Variants in HPSE2 observed in about 807,000 individuals in gnomAD.
The protein encoded by HPSE2 is inactive heparanase-2.
In HPSE2, 38 loss-of-function variants were observed where a neutral mutation model predicts 60.5. That is an observed-to-expected ratio of 0.63 (90% CI 0.48 to 0.82). HPSE2 has a LOEUF of 0.82. Among genes scored for constraint, HPSE2 ranks in the 40% least tolerant of loss-of-function variants. The pLI is 0.00. For missense variants in HPSE2, 713 were observed against 740.4 expected (o/e 0.96, Z 0.43); for synonymous variants, 295 against 293.2 (o/e 1.01, Z -0.06).
At chr10:99,191,194 G>C (rs536369727) in intron 2 of HPSE2, among the ~76,000 whole-genome samples, 7 of 151,992 alleles carry the variant, frequency 4.6e-5, no homozygotes, top group Non-Finnish European at 8.8e-5. Flanking sequence ...CTGGGGCTGG[G>C]GGGTAGTTCG....
chr10:99,001,139 G>C (rs1956769339), intron 3 of HPSE2, among the ~76,000 whole-genome samples: 1 of 151,898 alleles, frequency 6.6e-6, no homozygotes. Context: ...TTACTAATTT[G>C]GTACATTAGA....
At chr10:99,232,639 G>T in intron 1 of HPSE2, 134 bp from the exon 2 acceptor site, 1 of 1,029,388 alleles carries the variant, frequency 9.7e-7, no homozygotes, top group Non-Finnish European at 1.5e-6. Flanking sequence ...TGCCCCAGCC[G>T]GCAGTCCACG....
chr10:99,266,106 A>G, the HPSE2 span, among the ~76,000 whole-genome samples: 1 of 152,206 alleles, frequency 6.6e-6, no homozygotes, highest in East Asian at 1.9e-4. Flanking sequence ...TAACAATTTC[A>G]ACCTAACACG....
At chr10:98,964,610 A>T (rs1198291592) in intron 3 of HPSE2, among the ~76,000 whole-genome samples, 4 of 152,068 alleles carry the variant, frequency 2.6e-5, no homozygotes, top group Non-Finnish European at 5.9e-5. Flanking sequence ...TCTAGATGTT[A>T]GTATTCATCA....
At chr10:98,530,149 C>A (rs1474539283) in intron 9 of HPSE2, among the ~76,000 whole-genome samples, 2 of 152,102 alleles carry the variant, frequency 1.3e-5, no homozygotes, top group Admixed American at 6.6e-5. Flanking sequence ...ATTTGTATTT[C>A]TAGACAGATG....
intron 3 of HPSE2, among the ~76,000 whole-genome samples, chr10:98,912,929 G>C (rs1333591809): frequency 1.3e-5 from 2 of 152,114 alleles, no homozygotes; most frequent in Admixed American, 6.6e-5. Context: ...TTAAAATTAA[G>C]TAAAATTAGA....
chr10:98,908,253 GT>G (rs1235189899), intron 3 of HPSE2, among the ~76,000 whole-genome samples: 1 of 152,114 alleles, frequency 6.6e-6, no homozygotes, highest in East Asian at 1.9e-4. Flanking sequence ...AACCACTCAA[GT>G]CACTCTCACA....
chr10:98,721,057 T>C (rs1432824757), intron 5 of HPSE2, among the ~76,000 whole-genome samples: 2 of 151,886 alleles, frequency 1.3e-5, no homozygotes, highest in Admixed American at 6.6e-5. Flanking sequence ...TTAAGAGAGA[T>C]AAATCTCTAT....
At chr10:98,919,141 T>G (rs2135055080) in intron 3 of HPSE2, among the ~76,000 whole-genome samples, 1 of 152,218 alleles carries the variant, frequency 6.6e-6, no homozygotes, top group Middle Eastern at 3.4e-3. Context: ...CAAGAAAAAC[T>G]TCAAACTAAA....
intron 3 of HPSE2, chr10:99,047,990 T>G (rs1957897052): frequency 4.2e-6 from 3 of 707,138 alleles, no homozygotes; most frequent in Non-Finnish European, 7.7e-6. Flanking sequence ...TCATCAAGTC[T>G]TCAATGAAAC....
chr10:98,581,017 T>C (rs2133921048), intron 9 of HPSE2, among the ~76,000 whole-genome samples: 1 of 151,660 alleles, frequency 6.6e-6, no homozygotes, highest in African/African-American at 2.4e-5. Context: ...CTCAGCTCAC[T>C]GCAACCTCTG....
At chr10:98,970,572 G>A (rs1193475540) in intron 3 of HPSE2, among the ~76,000 whole-genome samples, 1 of 152,192 alleles carries the variant, frequency 6.6e-6, no homozygotes, top group Non-Finnish European at 1.5e-5. Flanking sequence ...ACTGCTCAAA[G>A]TGGGCTAATA....
chr10:98,835,097 C>T (rs1326259735), intron 3 of HPSE2, among the ~76,000 whole-genome samples: 1 of 152,054 alleles, frequency 6.6e-6, no homozygotes, highest in Non-Finnish European at 1.5e-5. Context: ...AGGATTATTT[C>T]TCAAACTAAA....
intron 9 of HPSE2, among the ~76,000 whole-genome samples, chr10:98,509,115 A>G (rs995068921): frequency 4.6e-5 from 7 of 152,128 alleles, no homozygotes; most frequent in African/African-American, 1.7e-4. Context: ...AGAGATCAAG[A>G]CCATTCTGGC....
At chr10:99,142,670 G>A (rs960927605) in intron 3 of HPSE2, among the ~76,000 whole-genome samples, 27 of 152,144 alleles carry the variant, frequency 1.8e-4, no homozygotes, top group African/African-American at 6.3e-4. Context: ...TGACAATGTT[G>A]ATTCCAACAG....
intron 3 of HPSE2, among the ~76,000 whole-genome samples, chr10:99,123,600 T>C (rs890185271): frequency 4.6e-5 from 7 of 152,166 alleles, no homozygotes; most frequent in Non-Finnish European, 4.4e-5. Context: ...AGTCCCACCA[T>C]TGAGTTCTTG....
In HPSE2 at chr10:98,833,004, C is replaced by T. The variant is rs116414686; in HGVS notation, c.611-88948G>A. Among the ~76,000 whole-genome samples, 888 of 152,236 alleles carry T rather than the reference C, an allele frequency of 5.8e-3. 5 individuals are homozygous for T. Among genetic ancestry groups the T allele is most frequent in the African/African-American group, 0.02 (839 of 41,528 alleles). On this transcript the variant is annotated intron_variant, in intron 3 of 11. Coordinates refer to ENST00000370552, the MANE Select transcript of HPSE2 (RefSeq NM_021828.5). ...GCACTGAAATCTATGATGTGTGTTC[C>T]TAAGTGGGATGACAGCTGGCACCAC... is the stretch of plus-strand genomic sequence containing the variant.
chr10:98,775,861 C>A (rs1009786922), intron 3 of HPSE2, among the ~76,000 whole-genome samples: 5 of 152,108 alleles, frequency 3.3e-5, no homozygotes, highest in African/African-American at 1.2e-4. Context: ...CCCAATAAAT[C>A]TGTTTCTTTT....
intron 3 of HPSE2, among the ~76,000 whole-genome samples, chr10:98,886,483 T>A (rs1953168823): frequency 6.6e-6 from 1 of 152,088 alleles, no homozygotes; most frequent in African/African-American, 2.4e-5. Flanking sequence ...AATTAAAGTG[T>A]TATTAAGAGA....
Sources: gnomAD v4.1 joint callset for allele counts (sites outside exome capture counted in the v4.1 genomes callset) on GRCh38, gnomAD v4.1.1 for gene constraint, MANE v1.5 for transcripts, NCBI Gene and HGNC (gene_info 2026-07-23, HGNC 2026-07-21) for gene names.